The following ODAD4 variants were observed in gnomAD, a reference collection of about 807,000 sequenced individuals.
The protein encoded by ODAD4 is outer dynein arm docking complex subunit 4.
In ODAD4, 49 loss-of-function variants were observed where a neutral mutation model predicts 51.8. The ratio of observed to expected loss-of-function variants is 0.95; its 90% CI spans 0.75 to 1.20. The LOEUF (loss-of-function observed/expected upper bound fraction) is 1.20. ODAD4 is among the 50% of genes most tolerant of loss of function. The pLI is 0.00. For missense variants in ODAD4, 590 were observed against 586.5 expected (o/e 1.01, Z -0.06); for synonymous variants, 235 against 221.3 (o/e 1.06, Z -0.55).
chr17:41,936,325 A>G, intron 3 of ODAD4, 148 bp from the exon 4 acceptor site: 1 of 641,330 alleles, frequency 1.6e-6, no homozygotes. Context: ...AACAGCCTGC[A>G]CCATTTGCCT....
intron 9 of ODAD4, among the ~76,000 whole-genome samples, chr17:41,954,579 C>G: frequency 6.6e-6 from 1 of 151,854 alleles, no homozygotes; most frequent in East Asian, 1.9e-4. Flanking sequence ...TCTGGCCGAG[C>G]GGTGGCTCAC....
At chr17:41,956,001 C>T (rs2050726809) in intron 10 of ODAD4, among the ~76,000 whole-genome samples, 1 of 151,164 alleles carries the variant, frequency 6.6e-6, no homozygotes, top group Non-Finnish European at 1.5e-5. Context: ...ATCCACCCTC[C>T]TCAGCCTCCC....
intron 4 of ODAD4, 59 bp downstream of exon 4, chr17:41,936,593 GA>G (rs1420376187): frequency 1.3e-6 from 2 of 1,549,174 alleles, no homozygotes; most frequent in African/African-American, 1.4e-5. Flanking sequence ...GTGTGCCTGA[GA>G]AGGGGTCTTG....
chr17:41,953,921 C>T (rs1270505873), intron 9 of ODAD4, among the ~76,000 whole-genome samples: 2 of 152,112 alleles, frequency 1.3e-5, no homozygotes, highest in Admixed American at 6.6e-5. Flanking sequence ...CTGCCTTAGC[C>T]TCCCAAAGTG....
intron 11 of ODAD4, 23 bp downstream of exon 11, chr17:41,961,489 A>G: frequency 2.8e-6 from 2 of 720,094 alleles, no homozygotes; most frequent in South Asian, 3.0e-5. Flanking sequence ...AACTCTGAAA[A>G]GGCAACTTCA....
chr17:41,945,116 G>A lies in ODAD4; in HGVS notation c.1059-20G>A, dbSNP rs782452393. ...ACAGCTGATTTCTAGTGAATGGCTT[G>A]TTTTGCTTCTTCCCCACAGTGACCT... is the stretch of plus-strand genomic sequence containing the variant. On this transcript the variant is annotated intron_variant, in intron 7 of 11. Coordinates refer to ENST00000377540, the MANE Select transcript of ODAD4 (RefSeq NM_031421.5). 6.2e-7 allele frequency: 1 copy of A among 1,601,782 alleles called. No individual in the cohort carries two copies. The highest frequency in any genetic ancestry group is 1.3e-5 in the African/African-American group (1 of 74,822).
rs140105127 is a variant in ODAD4, at chr17:41,952,365, CAAAAAA to C, written c.1343-2835_1343-2830del. 2.5e-4 allele frequency among the ~76,000 whole-genome samples: 22 copies of C among 87,218 alleles called. No individual in the cohort carries two copies. The South Asian group carries it at 3.1e-3, about 12-fold the overall frequency. The allele number at this position is 87,218 out of a possible 152,430, so 57.2% of individuals were successfully genotyped here. A position where few individuals can be genotyped will look rare whatever the true frequency, so the allele number is the denominator to read the frequency against. On this transcript the variant is annotated intron_variant, in intron 9 of 11. Coordinates refer to ENST00000377540, the MANE Select transcript of ODAD4 (RefSeq NM_031421.5). ...TCCAGGCGACTATGAGACTCTGTAT[CAAAAAA>C]AAAAAAAAAAAAAAAATTAGCTGAG...
At chr17:41,943,395 A>G (rs1282192342) in intron 7 of ODAD4, among the ~76,000 whole-genome samples, 1 of 152,202 alleles carries the variant, frequency 6.6e-6, no homozygotes. Context: ...GTGAGCAACA[A>G]GGCTGTTTAT....
chr17:41,961,749 AG>A (rs1304933252), intron 11 of ODAD4, among the ~76,000 whole-genome samples: 3 of 152,190 alleles, frequency 2.0e-5, no homozygotes, highest in Non-Finnish European at 4.4e-5. Context: ...TGTACCTGGA[AG>A]GTGTTAGATT....
chr17:41,961,244 G>A (rs902476450), intron 10 of ODAD4, 138 bp from the exon 11 acceptor site: 2 of 613,612 alleles, frequency 3.3e-6, no homozygotes, highest in African/African-American at 3.7e-5. Context: ...CTGAGGGTAG[G>A]GGTCATTGGA....
In ODAD4 at chr17:41,965,191, G is replaced by A. The variant is rs782803356; in HGVS notation, c.1727G>A (p.Ser576Asn). ...KQSVEAGKARSDLGAVAKGLS... is the reference protein window; with the variant it reads ...KQSVEAGKARNDLGAVAKGLS... ...AGTGTGGAAGCAGGAAAAGCCAGAA[G>A]CGATTTGGGAGCAGTTGCCAAGGGC... The change falls in exon 12 of 12, where the codon AGC (serine) becomes AAC (asparagine). Residue 576 changes from serine (S) to asparagine (N), a missense_variant. Physicochemically the swap from Ser to Asn is conservative, Grantham distance 46. Around this residue, in one of 3 missense-constraint regions of ODAD4, gnomAD observed 226 missense variants for 162.7 expected, o/e 1.39. Transcript: ENST00000377540. 1 of 773,674 alleles carries A rather than the reference G, an allele frequency of 1.3e-6. No individual in the cohort carries two copies. The highest frequency in any genetic ancestry group is 1.7e-5 in the Admixed American group (1 of 57,664). 47.9% of individuals were successfully genotyped at this position (773,674 alleles called of 1,614,324 possible).
Position 41,945,193 on chromosome 17 carries a change from A to G in ODAD4, c.1116A>G (p.Arg372=), listed in dbSNP as rs2050568845. 1.2e-6 allele frequency: 2 copies of G among 1,613,228 alleles called. No homozygotes were observed. The highest frequency in any genetic ancestry group is 2.7e-5 in the African/African-American group (2 of 74,926). ...ACAACATTGGCAGAGTTTTTGCCAG[A>G]GTTGGGAAATTCCAGCAAGCCATTG... is the stretch of plus-strand genomic sequence containing the variant. The part of the protein sequence containing the change: ...ALDNIGRVFA[R]VGKFQQAIDT... Residue 372 remains arginine (R), a synonymous_variant, in exon 8 of 12, where the codon AGA becomes AGG. Coordinates refer to ENST00000377540, the MANE Select transcript of ODAD4 (RefSeq NM_031421.5).
chr17:41,952,322 C>T (rs529736137), intron 9 of ODAD4, among the ~76,000 whole-genome samples: 9 of 143,650 alleles, frequency 6.3e-5, no homozygotes, highest in South Asian at 2.2e-4. Flanking sequence ...GAGCTGAGAT[C>T]GTGCCACTGC....
rs192216136 is a variant in ODAD4, at chr17:41,954,219, T to A, written c.1343-998T>A. On this transcript the variant is annotated intron_variant, in intron 9 of 11. Transcript: ENST00000377540. ...CCAGGGTGGTCTCGAACTCCTGACC[T>A]CAAGCAATCCGCCCACCTTGGCCTC... 8.9e-4 allele frequency among the ~76,000 whole-genome samples: 135 copies of A among 152,010 alleles called. 2 individuals are homozygous for A. In the South Asian group the frequency reaches 0.014, roughly 16 times the overall value.
At chr17:41,943,661 A>G (rs1165339665) in intron 7 of ODAD4, among the ~76,000 whole-genome samples, 2 of 152,244 alleles carry the variant, frequency 1.3e-5, no homozygotes, top group Non-Finnish European at 2.9e-5. Context: ...ACTTCGGGCC[A>G]TCTGGTTGTA....
At chr17:41,953,556 C>T (rs1480303811) in intron 9 of ODAD4, among the ~76,000 whole-genome samples, 2 of 152,036 alleles carry the variant, frequency 1.3e-5, no homozygotes, top group African/African-American at 4.8e-5. Context: ...CGCCTGTAAT[C>T]CCAGCACTTT....
At chr17:41,935,097 C>G in intron 1 of ODAD4, 120 bp from the exon 2 acceptor site, 1 of 1,208,332 alleles carries the variant, frequency 8.3e-7, no homozygotes, top group East Asian at 2.4e-5. Context: ...TTCTTCAGAG[C>G]CTTGATTTCT....
intron 8 of ODAD4, 107 bp from the exon 9 acceptor site, chr17:41,949,046 G>C: frequency 2.5e-6 from 1 of 397,432 alleles, no homozygotes; most frequent in East Asian, 3.6e-5. Context: ...AGAACTGGTA[G>C]CTGGAGAACA....
At chr17:41,955,076 G>A (rs1555640795) in intron 9 of ODAD4, 141 bp from the exon 10 acceptor site, 2 of 716,404 alleles carry the variant, frequency 2.8e-6, no homozygotes. Flanking sequence ...GCTCAGTGAT[G>A]CTTCCCTGGG....
Sources: gnomAD v4.1 joint callset for allele counts (sites outside exome capture counted in the v4.1 genomes callset) on GRCh38, gnomAD v4.1.1 for gene constraint, gnomAD v4.1.1 regional missense constraint, MANE v1.5 for transcripts, NCBI Gene and HGNC (gene_info 2026-07-23, HGNC 2026-07-21) for gene names.